The following SORL1 variants were observed in gnomAD, a reference collection of about 807,000 sequenced individuals.
SORL1 encodes the protein sortilin-related receptor.
A neutral mutation model predicts 273.7 loss-of-function variants in SORL1; 127 were observed. That is an observed-to-expected ratio of 0.46 (90% CI 0.40 to 0.54). SORL1 has a LOEUF of 0.54. Among genes scored for constraint, SORL1 ranks in the 20% least tolerant of loss-of-function variants. SORL1 has a pLI of 0.00. For synonymous variants in SORL1, 1,031 were observed against 1,067.4 expected (o/e 0.97, Z 0.66); for missense variants, 2,494 against 2,846.1 (o/e 0.88, Z 2.81).
At chr11:121,629,472 A>C in intron 47 of SORL1, 24 bp from the exon 48 acceptor site, 2 of 1,327,110 alleles carry the variant, frequency 1.5e-6, no homozygotes, top group East Asian at 2.3e-5. Context: ...GGAACTCACC[A>C]AGGCCTGACT....
intron 4 of SORL1, among the ~76,000 whole-genome samples, chr11:121,488,665 CGTGT>C (rs1861510574): frequency 2.0e-5 from 3 of 152,060 alleles, no homozygotes; most frequent in Admixed American, 6.6e-5. Context: ...CGAGTGCGTG[CGTGT>C]GTATCATATA....
At chr11:121,544,581 G>C (rs949780156) in intron 13 of SORL1, among the ~76,000 whole-genome samples, 1 of 152,214 alleles carries the variant, frequency 6.6e-6, no homozygotes, top group Non-Finnish European at 1.5e-5. Context: ...ATGGCATTGA[G>C]TCAAAGGTTG....
intron 6 of SORL1, among the ~76,000 whole-genome samples, chr11:121,508,601 A>C (rs925140423): frequency 3.3e-5 from 5 of 152,166 alleles, no homozygotes; most frequent in Admixed American, 3.3e-4. Flanking sequence ...CTCCAGACCT[A>C]TTCTGTCCTC....
Position 121,619,937 on chromosome 11 carries a change from A to G in SORL1, c.5889+20A>G. 1 of 1,593,860 alleles carries G rather than the reference A, an allele frequency of 6.3e-7. No homozygotes were observed. Among genetic ancestry groups the G allele is most frequent in the Non-Finnish European group, 8.6e-7 (1 of 1,164,322 alleles). On this transcript the variant is annotated intron_variant, in intron 43 of 47. Coordinates refer to ENST00000260197, the MANE Select transcript of SORL1 (RefSeq NM_003105.6). ...GACTTGGTGAGTGGGTTGGGCTTCCAGGCCTCTTTGTTTATTCCTGGCCTG... is the reference window on the plus strand; with the variant it reads ...GACTTGGTGAGTGGGTTGGGCTTCCGGGCCTCTTTGTTTATTCCTGGCCTG...
chr11:121,569,259 A>G (rs1862800724), intron 22 of SORL1, among the ~76,000 whole-genome samples: 1 of 152,200 alleles, frequency 6.6e-6, no homozygotes, highest in South Asian at 2.1e-4. Context: ...CATTAACTGC[A>G]CAAATTGTAG....
intron 1 of SORL1, among the ~76,000 whole-genome samples, chr11:121,458,742 C>T (rs1241521827): frequency 2.6e-5 from 4 of 152,190 alleles, no homozygotes; most frequent in African/African-American, 4.8e-5. Flanking sequence ...GGCCTTCAAG[C>T]GCTGAAGTGG....
intron 1 of SORL1, among the ~76,000 whole-genome samples, chr11:121,465,943 C>G (rs1269888884): frequency 1.3e-5 from 2 of 152,142 alleles, no homozygotes; most frequent in African/African-American, 2.4e-5. Context: ...ATGGGACCCC[C>G]CTAGGCCAGG....
chr11:121,527,463 TG>T (rs1175579918), intron 11 of SORL1, among the ~76,000 whole-genome samples: 2 of 152,124 alleles, frequency 1.3e-5, no homozygotes, highest in Admixed American at 1.3e-4. Context: ...TGTTTTTTTT[TG>T]TAAAATCTTT....
chr11:121,501,907 T>C (rs1591302448), intron 6 of SORL1, among the ~76,000 whole-genome samples: 1 of 152,324 alleles, frequency 6.6e-6, no homozygotes, highest in East Asian at 1.9e-4. Context: ...GCATGTATCA[T>C]TACTTTAACC....
rs372188860 is a variant in SORL1, at chr11:121,559,561, C to T, written c.2953C>T (p.Arg985Ter). ...WDDWSQLSIF[R>*]ASKYSGSQME... ...TGACTGGTCACAGCTCAGCATATTC[C>T]GAGCTTCCAAATACAGTGGGTCCCA... The change falls in exon 21 of 48, where the codon CGA becomes TGA. Residue 985 changes from arginine (R) to a stop codon, truncating the protein, a stop_gained. Transcript: ENST00000260197. LOFTEE classifies it high-confidence loss of function. 3.7e-6 allele frequency: 6 copies of T among 1,613,974 alleles called. No homozygotes were observed. The highest frequency in any genetic ancestry group is 3.4e-6 in the Non-Finnish European group (4 of 1,179,948).
chr11:121,586,529 G>A (rs1274989983), intron 27 of SORL1, among the ~76,000 whole-genome samples, 200 bp downstream of exon 27: 1 of 152,154 alleles, frequency 6.6e-6, no homozygotes, highest in Admixed American at 6.5e-5. Flanking sequence ...AGAGCAGGAA[G>A]GAAGAAAGCA....
chr11:121,501,130 T>G (rs2134828550), intron 6 of SORL1, among the ~76,000 whole-genome samples: 1 of 152,362 alleles, frequency 6.6e-6, no homozygotes. Context: ...TGCTTATAAC[T>G]CTCATACGTG....
In SORL1 at chr11:121,611,111, G is replaced by A. The variant is rs780277421; in HGVS notation, c.5275G>A (p.Gly1759Ser). Residue 1759 changes from glycine (G) to serine (S), a missense_variant, in exon 39 of 48, where the codon GGT (glycine) becomes AGT (serine). Physicochemically the swap from Gly to Ser is moderately conservative, Grantham distance 56 (BLOSUM62 0). Around this residue, in one of 3 missense-constraint regions of SORL1, gnomAD observed 1,609 missense variants for 1,816.4 expected, o/e 0.89. Transcript: ENST00000260197. ...ACCAGATATCCACATTGACAGCTAT[G>A]GTGAAAATTATCTAAGCTTCACCCT... ...PPPDIHIDSY[G>S]ENYLSFTLTM... 3.7e-6 allele frequency: 6 copies of A among 1,613,598 alleles called. No individual in the cohort carries two copies. Among genetic ancestry groups the A allele is most frequent in the Non-Finnish European group, 5.1e-6 (6 of 1,179,682 alleles).
chr11:121,602,325 G>T (rs965858628), intron 32 of SORL1, among the ~76,000 whole-genome samples: 3 of 152,136 alleles, frequency 2.0e-5, no homozygotes, highest in Admixed American at 2.0e-4. Context: ...TTTTTATCAG[G>T]ATTGTTTTTG....
At position 121,550,794 on chromosome 11, in the gene SORL1, C is replaced by T. The variant is rs906518562; in HGVS notation, c.2266+124C>T. 2 of 695,762 alleles carry T rather than the reference C, an allele frequency of 2.9e-6. No homozygotes were observed. The highest frequency in any genetic ancestry group is 4.8e-6 in the Non-Finnish European group (2 of 416,324). 43.1% of individuals were successfully genotyped at this position (695,762 alleles called of 1,614,324 possible). ...GGAGAAAAACAATGGCCGTCACAAG[C>T]ATCACAGGGCTTCCTCTTTTCCCTA... is the stretch of plus-strand genomic sequence containing the variant. On this transcript the variant is annotated intron_variant, in intron 16 of 47. Transcript: ENST00000260197. This position sits in a 1 kb window ranked among gnomAD's most constrained non-coding sequence, Gnocchi z 5.3.
rs150774385 is a variant in SORL1, at chr11:121,567,078, G to A, written c.3188G>A (p.Gly1063Asp). The A allele has an allele frequency of 5.6e-6, 9 of 1,613,974 alleles. No individual in the cohort carries two copies. In the African/African-American group the frequency reaches 1.2e-4, roughly 22 times the overall value. The change falls in exon 22 of 48, where the codon GGC becomes GAC. Residue 1063 changes from glycine (G) to aspartate (D), a missense_variant. Gly to Asp is a moderately conservative substitution (Grantham distance 94). Coordinates refer to ENST00000260197, the MANE Select transcript of SORL1 (RefSeq NM_003105.6). Reference sequence around the variant, plus strand: ...GACCTGATGTGTGACTGCCCTCAGGGCTATCAGCTCAAGAACAATACCTGT... The same window carrying A: ...GACCTGATGTGTGACTGCCCTCAGGACTATCAGCTCAAGAACAATACCTGT... ...SGDLMCDCPQ[G>D]YQLKNNTCVK...
chr11:121,454,503 G>C (rs1364018280), intron 1 of SORL1, among the ~76,000 whole-genome samples: 1 of 152,180 alleles, frequency 6.6e-6, no homozygotes, highest in Admixed American at 6.5e-5. Flanking sequence ...TTCTGGGCCA[G>C]CCAGATTGAG....
At chr11:121,605,652 A>G (rs1863458463) in intron 35 of SORL1, 81 bp downstream of exon 35, 1 of 1,160,158 alleles carries the variant, frequency 8.6e-7, no homozygotes, top group Non-Finnish European at 1.3e-6. Context: ...TATTCTCAGG[A>G]ATGTGGGAAC....
At chr11:121,587,770 A>G (rs140762465) in intron 27 of SORL1, among the ~76,000 whole-genome samples, 143 of 152,312 alleles carry the variant, frequency 9.4e-4, no homozygotes, top group African/African-American at 3.4e-3. Flanking sequence ...ACTTAATGCT[A>G]CTGCCCTTGT....
Sources: gnomAD v4.1 joint callset for allele counts (sites outside exome capture counted in the v4.1 genomes callset) on GRCh38, gnomAD v4.1.1 for gene constraint, gnomAD v4.1.1 regional missense constraint, Gnocchi (gnomAD v3.1) non-coding constraint, MANE v1.5 for transcripts, NCBI Gene and HGNC (gene_info 2026-07-23, HGNC 2026-07-21) for gene names.